The following FOXE1 variants were observed in gnomAD, a reference collection of about 807,000 sequenced individuals.
FOXE1 encodes forkhead box E1, also known as forkhead box protein E1.
Under a neutral mutation model 2.1 loss-of-function variants are expected in FOXE1, and 4 were observed. The ratio of observed to expected loss-of-function variants is 1.91; its 90% CI spans 0.94 to 4.37. The LOEUF (loss-of-function observed/expected upper bound fraction) is 4.37, where lower values mean the gene tolerates loss of function less well. Ranked by LOEUF, FOXE1 falls within the 30% of genes most tolerant of loss-of-function variation. The pLI, the probability that FOXE1 is intolerant of heterozygous loss-of-function variation, is 0.01. For missense variants in FOXE1, 574 were observed against 583.3 expected (o/e 0.98, Z 0.16); for synonymous variants, 277 against 272.4 (o/e 1.02, Z -0.17).
Position 97,854,636 on chromosome 9 carries a change from C to G in FOXE1, c.722C>G (p.Ser241Trp). The change falls in exon 1 of 1, where the codon TCG becomes TGG. Residue 241 changes from serine (S) to tryptophan (W), a missense_variant. Ser to Trp is a radical substitution (Grantham distance 177). Coordinates refer to ENST00000375123, the MANE Select transcript of FOXE1 (RefSeq NM_004473.4). ...PLSPELGPAP[S>W]GPGGSCAFAS... Reference sequence around the variant, plus strand: ...AGCCCAGAGCTGGGGCCCGCACCGTCGGGGCCCGGCGGCTCTTGCGCCTTT... The same window carrying G: ...AGCCCAGAGCTGGGGCCCGCACCGTGGGGGCCCGGCGGCTCTTGCGCCTTT... 7.2e-7 allele frequency: 1 copy of G among 1,391,430 alleles called. No individual in the cohort carries two copies. Among genetic ancestry groups the G allele is most frequent in the East Asian group, 3.1e-5 (1 of 32,600 alleles). The allele number at this position is 1,391,430 out of a possible 1,614,324, so 86.2% of individuals were successfully genotyped here.
Position 97,854,746 on chromosome 9 carries a change from G to A in FOXE1, c.832G>A (p.Ala278Thr). 1 of 1,473,636 alleles carries A rather than the reference G, an allele frequency of 6.8e-7. No individual in the cohort carries two copies. The highest frequency in any genetic ancestry group is 8.9e-7 in the Non-Finnish European group (1 of 1,122,616). The allele number at this position is 1,473,636 out of a possible 1,614,324, so 91.3% of individuals were successfully genotyped here. The change falls in exon 1 of 1, where the codon GCG becomes ACG. Residue 278 changes from alanine to threonine, a missense_variant. Physicochemically the swap from Ala to Thr is moderately conservative, Grantham distance 58. This residue lies in a region of FOXE1 where 316 missense variants were observed against 288.4 expected (regional missense o/e 1.10). Coordinates refer to ENST00000375123, the MANE Select transcript of FOXE1 (RefSeq NM_004473.4). ...GARPANPSAY[A>T]AAYAGPDGAY... ...CCGGCCGGCCAACCCCTCCGCCTAT[G>A]CGGCTGCCTACGCGGGCCCCGACGG...
In FOXE1 at chr9:97,853,856, GC is replaced by G. The variant is rs1271541540; in HGVS notation, c.-54del. 5 of 1,222,906 alleles carry G rather than the reference GC, an allele frequency of 4.1e-6. No homozygotes were observed. Among genetic ancestry groups the G allele is most frequent in the East Asian group, 6.7e-5 (2 of 29,984 alleles). The allele number at this position is 1,222,906 out of a possible 1,614,324, so 75.8% of individuals were successfully genotyped here. A position where few individuals can be genotyped will look rare whatever the true frequency, so the allele number is the denominator to read the frequency against. On this transcript the variant is annotated 5_prime_UTR_variant, in exon 1 of 1. Transcript: ENST00000375123. ...CGTCCGTTCCGGGGACGCCAGGCCC[GC>G]CCCCGCCCCCCGACAGCCGCGGGGA... is the stretch of plus-strand genomic sequence containing the variant.
In FOXE1 at chr9:97,854,480, G is replaced by C. The variant is rs1830638827; in HGVS notation, c.566G>C (p.Arg189Pro). ...TTCCCAGGCGCGGTGCCCGCCGCGC[G>C]CCCCCCCTACCCGGGCGCCGTCTAT... ...AIFPGAVPAARPPYPGAVYAG... is the reference protein window; with the variant it reads ...AIFPGAVPAAPPPYPGAVYAG... The change falls in exon 1 of 1, where the codon CGC becomes CCC. Residue 189 changes from arginine (R) to proline (P), a missense_variant. By Grantham distance (103) the Arg-to-Pro change is moderately radical (BLOSUM62 -2). Around this residue, in one of 3 missense-constraint regions of FOXE1, gnomAD observed 316 missense variants for 288.4 expected, o/e 1.10. Coordinates refer to ENST00000375123, the MANE Select transcript of FOXE1 (RefSeq NM_004473.4). 2 of 1,227,214 alleles carry C rather than the reference G, an allele frequency of 1.6e-6. No homozygotes were observed. Among genetic ancestry groups the C allele is most frequent in the Non-Finnish European group, 2.0e-6 (2 of 987,518 alleles). 76.0% of individuals were successfully genotyped at this position (1,227,214 alleles called of 1,614,324 possible).
Position 97,853,568 on chromosome 9 carries a change from C to G in FOXE1, c.-347C>G, listed in dbSNP as rs1303355006. On this transcript the variant is annotated 5_prime_UTR_variant, in exon 1 of 1. Coordinates refer to ENST00000375123, the MANE Select transcript of FOXE1 (RefSeq NM_004473.4). ...CAACCCAGGGATCACTTCCGGACCCCTCGACCGCCCGGCACCAGCGCGCAA... is the reference window on the plus strand; with the variant it reads ...CAACCCAGGGATCACTTCCGGACCCGTCGACCGCCCGGCACCAGCGCGCAA... 1 of 281,804 alleles carries G rather than the reference C, an allele frequency of 3.5e-6. No homozygotes were observed. The allele number at this position is 281,804 out of a possible 1,614,324, so 17.5% of individuals were successfully genotyped here. A position where few individuals can be genotyped will look rare whatever the true frequency, so the allele number is the denominator to read the frequency against.
In FOXE1 at chr9:97,853,935, GC is replaced by G; in HGVS notation, c.23del (p.Pro8ArgfsTer11). 7.7e-7 allele frequency: 1 copy of G among 1,298,172 alleles called. No individual in the cohort carries two copies. Among genetic ancestry groups the G allele is most frequent in the East Asian group, 3.2e-5 (1 of 31,332 alleles). 80.4% of individuals were successfully genotyped at this position (1,298,172 alleles called of 1,614,324 possible). A position where few individuals can be genotyped will look rare whatever the true frequency, so the allele number is the denominator to read the frequency against. Reference protein sequence around the residue: MTAESGPPPPQPEVLATV... With the variant: MTAESGPXPPQPEVLATV... The stretch of plus-strand genomic sequence containing the variant: ...GCGCCATGACTGCCGAGAGCGGGCC[GC>G]CGCCGCCGCAGCCGGAGGTGCTGGC... On this transcript the variant is annotated frameshift_variant, in exon 1 of 1. Transcript: ENST00000375123. LOFTEE classifies it low-confidence loss of function (END_TRUNC).
chr9:97,855,942 A>G lies in FOXE1; in HGVS notation c.*906A>G, dbSNP rs536490131. The G allele has an allele frequency of 2.4e-5, 4 of 167,090 alleles. No individual in the cohort carries two copies. The highest frequency in any genetic ancestry group is 9.6e-5 in the African/African-American group (4 of 41,570). 10.4% of individuals were successfully genotyped at this position (167,090 alleles called of 1,614,324 possible). A position where few individuals can be genotyped will look rare whatever the true frequency, so the allele number is the denominator to read the frequency against. ...TTGAGCAGGACGTGCTGGTAATTTC[A>G]TGGCTGTTACTGCCCAGTCATAAAT... is the stretch of plus-strand genomic sequence containing the variant. On this transcript the variant is annotated 3_prime_UTR_variant, in exon 1 of 1. Coordinates refer to ENST00000375123, the MANE Select transcript of FOXE1 (RefSeq NM_004473.4).
rs755194188 is a variant in FOXE1 at position 97,854,424 on chromosome 9, C to CGCA, written c.512_513insAGC (p.Ala179dup). ...ACGACGCGGCGGCTGCCGCAGCCGC[C>CGCA]GCCGCCGCCGCCGCCGCCGCCGCCG... On this transcript the variant is annotated inframe_insertion, in exon 1 of 1. Transcript: ENST00000375123. 42 of 177,174 alleles carry CGCA rather than the reference C, an allele frequency of 2.4e-4. 1 individual carries two copies. The highest frequency in any genetic ancestry group is 0.013 in the East Asian group (2 of 154). 11.0% of individuals were successfully genotyped at this position (177,174 alleles called of 1,614,324 possible). A position where few individuals can be genotyped will look rare whatever the true frequency, so the allele number is the denominator to read the frequency against.
In FOXE1 at chr9:97,854,958, G is replaced by C. The variant is rs777102416; in HGVS notation, c.1044G>C (p.Gly348=). ...ACYNPGGQLG[G]ASAGAYHARH... is the part of the protein sequence containing the mutation. Reference sequence around the variant, plus strand: ...ACAACCCTGGCGGGCAGCTCGGAGGGGCCAGTGCAGGCGCCTACCATGCTC... The same window carrying C: ...ACAACCCTGGCGGGCAGCTCGGAGGCGCCAGTGCAGGCGCCTACCATGCTC... The change falls in exon 1 of 1, where the codon GGG becomes GGC. Residue 348 remains glycine (G), a synonymous_variant. Transcript: ENST00000375123. 1 of 1,603,852 alleles carries C rather than the reference G, an allele frequency of 6.2e-7. No homozygotes were observed.
Position 97,853,267 on chromosome 9 carries a change from C to G in FOXE1, c.-648C>G, listed in dbSNP as rs1830614247. 2 of 152,436 alleles carry G rather than the reference C, an allele frequency of 1.3e-5. No individual in the cohort carries two copies. Among genetic ancestry groups the G allele is most frequent in the Admixed American group, 6.5e-5 (1 of 15,286 alleles). The allele number at this position is 152,436 out of a possible 1,614,324, so 9.4% of individuals were successfully genotyped here. ...TGCAGGGGAGCGCCTCGCCAGCGGT[C>G]CGCAGGGCTGGAGACCCACGCCGTG... On this transcript the variant is annotated 5_prime_UTR_variant, in exon 1 of 1. Coordinates refer to ENST00000375123, the MANE Select transcript of FOXE1 (RefSeq NM_004473.4).
Position 97,856,601 on chromosome 9 carries a change from G to T in FOXE1, c.*1565G>T, listed in dbSNP as rs949734338. 2 of 167,008 alleles carry T rather than the reference G, an allele frequency of 1.2e-5. No individual in the cohort carries two copies. Among genetic ancestry groups the T allele is most frequent in the Non-Finnish European group, 2.9e-5 (2 of 68,094 alleles). The allele number at this position is 167,008 out of a possible 1,614,324, so 10.3% of individuals were successfully genotyped here. A position where few individuals can be genotyped will look rare whatever the true frequency, so the allele number is the denominator to read the frequency against. On this transcript the variant is annotated 3_prime_UTR_variant, in exon 1 of 1. Coordinates refer to ENST00000375123, the MANE Select transcript of FOXE1 (RefSeq NM_004473.4). ...CTGTTCACGAAGACATGTGAACTTG[G>T]TTCAGTCCAAATGGGGATTTGTATA...
Position 97,854,678 on chromosome 9 carries a change from C to T in FOXE1, c.764C>T (p.Pro255Leu). 7.1e-7 allele frequency: 1 copy of T among 1,409,930 alleles called. No individual in the cohort carries two copies. The highest frequency in any genetic ancestry group is 9.2e-7 in the Non-Finnish European group (1 of 1,090,946). 87.3% of individuals were successfully genotyped at this position (1,409,930 alleles called of 1,614,324 possible). The part of the protein sequence containing the change: ...GSCAFASAGA[P>L]ATTTGYQPAG... ...TGCGCCTTTGCCTCCGCCGGCGCCC[C>T]CGCTACCACCACCGGCTACCAGCCC... Residue 255 changes from proline (P) to leucine (L), a missense_variant, in exon 1 of 1, where the codon CCC becomes CTC. This residue lies in a region of FOXE1 where 316 missense variants were observed against 288.4 expected (regional missense o/e 1.10). Coordinates refer to ENST00000375123, the MANE Select transcript of FOXE1 (RefSeq NM_004473.4).
In FOXE1 at chr9:97,853,945, C is replaced by A; in HGVS notation, c.31C>A (p.Gln11Lys). The change falls in exon 1 of 1, where the codon CAG (glutamine) becomes AAG (lysine). Residue 11 changes from glutamine to lysine, a missense_variant. By Grantham distance (53) the Gln-to-Lys change is moderately conservative. Around this residue, in one of 3 missense-constraint regions of FOXE1, gnomAD observed 249 missense variants for 269.6 expected, o/e 0.92. Transcript: ENST00000375123. MTAESGPPPP[Q>K]PEVLATVKEE... ...TGCCGAGAGCGGGCCGCCGCCGCCGCAGCCGGAGGTGCTGGCTACCGTGAA... is the reference window on the plus strand; with the variant it reads ...TGCCGAGAGCGGGCCGCCGCCGCCGAAGCCGGAGGTGCTGGCTACCGTGAA... 7.7e-7 allele frequency: 1 copy of A among 1,302,118 alleles called. No homozygotes were observed. Among genetic ancestry groups the A allele is most frequent in the Non-Finnish European group, 9.7e-7 (1 of 1,030,028 alleles). 80.7% of individuals were successfully genotyped at this position (1,302,118 alleles called of 1,614,324 possible).
rs1469457578 is a variant in FOXE1, at chr9:97,854,331, C to T, written c.417C>T (p.Ser139=). The T allele has an allele frequency of 6.2e-7, 1 of 1,605,626 alleles. No individual in the cohort carries two copies. Among genetic ancestry groups the T allele is most frequent in the Non-Finnish European group, 8.5e-7 (1 of 1,176,278 alleles). The change falls in exon 1 of 1, where the codon AGC becomes AGT. Residue 139 remains serine, a synonymous_variant. Coordinates refer to ENST00000375123, the MANE Select transcript of FOXE1 (RefSeq NM_004473.4). ...CCAACGCGGAGGACATGTTCGAGAG[C>T]GGCAGCTTCCTGCGCCGCCGCAAGC... The part of the protein sequence containing the change: ...LDPNAEDMFE[S]GSFLRRRKRF...
At position 97,855,355 on chromosome 9, in the gene FOXE1, C is replaced by T; in HGVS notation, c.*319C>T. ...ACCAGAGGGCAGCGTAGTGTCAACA[C>T]CAGAGACCAGGATCCAAATTGTGGG... On this transcript the variant is annotated 3_prime_UTR_variant, in exon 1 of 1. Transcript: ENST00000375123. 1 of 480,794 alleles carries T rather than the reference C, an allele frequency of 2.1e-6. No individual in the cohort carries two copies. The highest frequency in any genetic ancestry group is 3.9e-6 in the Non-Finnish European group (1 of 254,620). 29.8% of individuals were successfully genotyped at this position (480,794 alleles called of 1,614,324 possible). A position where few individuals can be genotyped will look rare whatever the true frequency, so the allele number is the denominator to read the frequency against.
At position 97,854,574 on chromosome 9, in the gene FOXE1, T is replaced by C. The variant is rs1364103318; in HGVS notation, c.660T>C (p.Pro220=). The change falls in exon 1 of 1, where the codon CCT becomes CCC. Residue 220 remains proline, a synonymous_variant. Coordinates refer to ENST00000375123, the MANE Select transcript of FOXE1 (RefSeq NM_004473.4). ...PVYYPAASPG[P]CRVFGLVPER... ...ACTACCCCGCGGCGTCGCCCGGCCC[T>C]TGCCGCGTCTTCGGCCTGGTTCCTG... The C allele has an allele frequency of 1.5e-6, 2 of 1,334,404 alleles. No homozygotes were observed. Among genetic ancestry groups the C allele is most frequent in the Non-Finnish European group, 1.9e-6 (2 of 1,049,606 alleles). 82.7% of individuals were successfully genotyped at this position (1,334,404 alleles called of 1,614,324 possible).
Position 97,855,210 on chromosome 9 carries a change from A to C in FOXE1, c.*174A>C. ...GCGTAGGCACCCGGTGTACTCTGTA[A>C]ACGGGAGGAGGTGGGGCGAGGCAGC... On this transcript the variant is annotated 3_prime_UTR_variant, in exon 1 of 1. Transcript: ENST00000375123. 1.2e-6 allele frequency: 1 copy of C among 821,736 alleles called. No individual in the cohort carries two copies. Among genetic ancestry groups the C allele is most frequent in the Non-Finnish European group, 2.0e-6 (1 of 493,292 alleles). The allele number at this position is 821,736 out of a possible 1,614,324, so 50.9% of individuals were successfully genotyped here.
In FOXE1 at chr9:97,855,788, G is replaced by A. The variant is rs1200324540; in HGVS notation, c.*752G>A. The A allele has an allele frequency of 6.0e-6, 1 of 167,102 alleles. No individual in the cohort carries two copies. Among genetic ancestry groups the A allele is most frequent in the Non-Finnish European group, 1.5e-5 (1 of 68,194 alleles). 10.4% of individuals were successfully genotyped at this position (167,102 alleles called of 1,614,324 possible). On this transcript the variant is annotated 3_prime_UTR_variant, in exon 1 of 1. Coordinates refer to ENST00000375123, the MANE Select transcript of FOXE1 (RefSeq NM_004473.4). ...TTTGGCAGCAATGGTGGGCCACCCA[G>A]GGCCTCTGAGTAGCCACCCAAAGCC...
chr9:97,853,857 C>T lies in FOXE1; in HGVS notation c.-58C>T. On this transcript the variant is annotated 5_prime_UTR_variant, in exon 1 of 1. Transcript: ENST00000375123. ...GTCCGTTCCGGGGACGCCAGGCCCG[C>T]CCCCGCCCCCCGACAGCCGCGGGGA... 6 of 1,222,022 alleles carry T rather than the reference C, an allele frequency of 4.9e-6. No individual in the cohort carries two copies. Among genetic ancestry groups the T allele is most frequent in the Non-Finnish European group, 6.1e-6 (6 of 978,146 alleles). 75.7% of individuals were successfully genotyped at this position (1,222,022 alleles called of 1,614,324 possible).
chr9:97,854,125 G>T lies in FOXE1; in HGVS notation c.211G>T (p.Glu71Ter). 1.2e-6 allele frequency: 2 copies of T among 1,612,114 alleles called. No individual in the cohort carries two copies. The highest frequency in any genetic ancestry group is 1.7e-6 in the Non-Finnish European group (2 of 1,179,326). The stretch of plus-strand genomic sequence containing the variant: ...CGCCATGGCCATCGCGCACGCGCCC[G>T]AGCGCCGCCTCACGCTGGGCGGCAT... ...LIAMAIAHAP[E>*]RRLTLGGIYK... Residue 71 changes from glutamate (E) to a stop codon, truncating the protein, a stop_gained, in exon 1 of 1, where the codon GAG (glutamate) becomes TAG (stop). Transcript: ENST00000375123. LOFTEE classifies it low-confidence loss of function (END_TRUNC).
Sources: allele counts gnomAD v4.1 joint callset, GRCh38; gene constraint gnomAD v4.1.1; regional missense constraint gnomAD v4.1.1; transcripts MANE v1.5; gene names NCBI Gene and HGNC (gene_info 2026-07-23, HGNC 2026-07-21).